Variants in WASF1 observed in about 807,000 individuals in gnomAD.
The protein encoded by WASF1 is actin-binding protein WASF1.
A neutral mutation model predicts 50.5 loss-of-function variants in WASF1; 7 were observed. That is an observed-to-expected ratio of 0.14 (90% confidence interval 0.08 to 0.26). The LOEUF is 0.26. Among genes scored for constraint, WASF1 ranks in the 10% least tolerant of loss-of-function variants. The pLI, the probability that WASF1 is intolerant of heterozygous loss-of-function variation, is 1.00. For synonymous variants in WASF1, 205 were observed against 244.0 expected (o/e 0.84, Z 1.49); for missense variants, 470 against 694.7 (o/e 0.68, Z 3.64).
In WASF1 at chr6:110,141,039, T is replaced by C. The variant is rs114743979; in HGVS notation, c.-28-13410A>G. On this transcript the variant is annotated intron_variant, in intron 3 of 10. Transcript: ENST00000392589. ...CATGCAATTTAAAACTTATGAATTT[T>C]TTTTTCTGGAATTTTCCATTTAATA... is the stretch of plus-strand genomic sequence containing the variant. Among the ~76,000 whole-genome samples the C allele has an allele frequency of 2.8e-3, 419 of 152,302 alleles. 2 individuals carry two copies. Among genetic ancestry groups the C allele is most frequent in the African/African-American group, 9.8e-3 (406 of 41,558 alleles).
intron 3 of WASF1, among the ~76,000 whole-genome samples, chr6:110,129,734 T>A (rs1189718681): frequency 5.3e-5 from 8 of 152,206 alleles, no homozygotes; most frequent in South Asian, 2.1e-4. Context: ...AAGTTTTTTT[T>A]ACAAAGAAAT....
At chr6:110,136,637 C>T (rs529651205) in intron 3 of WASF1, among the ~76,000 whole-genome samples, 3 of 152,248 alleles carry the variant, frequency 2.0e-5, no homozygotes, top group Non-Finnish European at 2.9e-5. Context: ...TTTTTGTAGC[C>T]GTACCAGCTC....
At chr6:110,127,963 C>T (rs576231521) in intron 3 of WASF1, among the ~76,000 whole-genome samples, 1 of 152,022 alleles carries the variant, frequency 6.6e-6, no homozygotes, top group East Asian at 1.9e-4. Flanking sequence ...GCATATAATA[C>T]ATATAACTTA....
intron 5 of WASF1, among the ~76,000 whole-genome samples, chr6:110,109,271 C>G (rs1273088465): frequency 6.6e-6 from 1 of 152,128 alleles, no homozygotes; most frequent in Non-Finnish European, 1.5e-5. Context: ...ATAAGGATTT[C>G]TACCTAACTA....
At chr6:110,115,282 G>A (rs1172371959) in intron 4 of WASF1, among the ~76,000 whole-genome samples, 1 of 151,488 alleles carries the variant, frequency 6.6e-6, no homozygotes, top group Non-Finnish European at 1.5e-5. Flanking sequence ...GGCAGGAAGG[G>A]ACACACTAAC....
intron 3 of WASF1, among the ~76,000 whole-genome samples, chr6:110,149,178 G>A (rs180957577): frequency 3.5e-4 from 53 of 152,262 alleles, no homozygotes; most frequent in African/African-American, 1.2e-3. Context: ...GAAAGCAAGA[G>A]AACATTTAGT....
At chr6:110,118,101 C>T (rs922259993) in intron 4 of WASF1, among the ~76,000 whole-genome samples, 11 of 151,958 alleles carry the variant, frequency 7.2e-5, no homozygotes, top group Admixed American at 1.3e-4. Flanking sequence ...GAAACTGCAT[C>T]AATTAACAGG....
intron 4 of WASF1, among the ~76,000 whole-genome samples, chr6:110,125,608 T>G (rs1412707616): frequency 6.6e-6 from 1 of 152,226 alleles, no homozygotes; most frequent in Non-Finnish European, 1.5e-5. Flanking sequence ...CTTTTAAATT[T>G]AATTCCAGGT....
At chr6:110,168,739 G>C (rs1312926555) in intron 2 of WASF1, among the ~76,000 whole-genome samples, 1 of 151,996 alleles carries the variant, frequency 6.6e-6, no homozygotes, top group Non-Finnish European at 1.5e-5. Context: ...AGCACATCAA[G>C]TGTCTGTGCA....
intron 4 of WASF1, among the ~76,000 whole-genome samples, chr6:110,120,052 G>C (rs1774021195): frequency 6.6e-6 from 1 of 152,000 alleles, no homozygotes; most frequent in Non-Finnish European, 1.5e-5. Context: ...AAAATAATAA[G>C]AGCTATTTAT....
At chr6:110,173,612 T>A (rs1042370980) in intron 2 of WASF1, among the ~76,000 whole-genome samples, 1 of 152,174 alleles carries the variant, frequency 6.6e-6, no homozygotes, top group African/African-American at 2.4e-5. Flanking sequence ...AAAGGAGGAC[T>A]TATGACAAAG....
At chr6:110,161,988 G>GTTTA in intron 2 of WASF1, among the ~76,000 whole-genome samples, 1 of 151,468 alleles carries the variant, frequency 6.6e-6, no homozygotes, top group African/African-American at 2.4e-5. Context: ...TAAATCTAAA[G>GTTTA]TTTATTATTA....
intron 5 of WASF1, among the ~76,000 whole-genome samples, chr6:110,110,625 T>C (rs1773512599): frequency 1.3e-5 from 2 of 152,192 alleles, no homozygotes; most frequent in Non-Finnish European, 2.9e-5. Context: ...CAATAACATC[T>C]GATATTAATA....
At chr6:110,128,539 C>T (rs1173760718) in intron 3 of WASF1, among the ~76,000 whole-genome samples, 4 of 152,206 alleles carry the variant, frequency 2.6e-5, no homozygotes. Context: ...AAAGTTCAAC[C>T]ATCTTTGAAT....
intron 2 of WASF1, among the ~76,000 whole-genome samples, chr6:110,162,106 A>G (rs1205727513): frequency 2.0e-5 from 3 of 151,550 alleles, no homozygotes; most frequent in Non-Finnish European, 4.4e-5. Context: ...AAGAAAATAC[A>G]TTCAATGTAC....
intron 7 of WASF1, among the ~76,000 whole-genome samples, chr6:110,106,623 T>C (rs2114459466): frequency 6.6e-6 from 1 of 152,316 alleles, no homozygotes; most frequent in East Asian, 1.9e-4. Context: ...CTCCAAAACA[T>C]TTAGGAGAGA....
chr6:110,103,417 T>A lies in WASF1; in HGVS notation c.854A>T (p.His285Leu). The change falls in exon 9 of 11, where the codon CAT (histidine) becomes CTT (leucine). Residue 285 changes from histidine to leucine, a missense_variant. Physicochemically the swap from His to Leu is moderately conservative, Grantham distance 99 (BLOSUM62 -3). Around this residue, in one of 3 missense-constraint regions of WASF1, gnomAD observed 294 missense variants for 343.5 expected, o/e 0.86. Coordinates refer to ENST00000392589, the MANE Select transcript of WASF1 (RefSeq NM_003931.3). Reference protein sequence around the residue: ...PHEPPPPPPMHGAGDAKPIPT... With the variant: ...PHEPPPPPPMLGAGDAKPIPT... ...TATCGGTTTTGCATCTCCTGCTCCATGCATTGGTGGAGGTGGAGGTGGTTC... is the reference window on the plus strand; with the variant it reads ...TATCGGTTTTGCATCTCCTGCTCCAAGCATTGGTGGAGGTGGAGGTGGTTC... 6.2e-7 allele frequency: 1 copy of A among 1,613,974 alleles called. No individual in the cohort carries two copies. Among genetic ancestry groups the A allele is most frequent in the South Asian group, 1.1e-5 (1 of 91,062 alleles).
chr6:110,142,329 A>T (rs1307306980), intron 3 of WASF1, among the ~76,000 whole-genome samples: 1 of 152,238 alleles, frequency 6.6e-6, no homozygotes, highest in Non-Finnish European at 1.5e-5. Flanking sequence ...TTTCATTGTG[A>T]TTAAAATAGT....
intron 3 of WASF1, among the ~76,000 whole-genome samples, chr6:110,145,304 G>A (rs1477814572): frequency 6.6e-6 from 1 of 152,182 alleles, no homozygotes; most frequent in African/African-American, 2.4e-5. Context: ...TTTGCACATT[G>A]ATTTTGTATC....
Sources: allele counts gnomAD v4.1 joint callset (sites outside exome capture counted in the v4.1 genomes callset), GRCh38; gene constraint gnomAD v4.1.1; regional missense constraint gnomAD v4.1.1; transcripts MANE v1.5; gene names NCBI Gene and HGNC (gene_info 2026-07-23, HGNC 2026-07-21).